The following NDST4 variants were observed in gnomAD, a reference collection of about 807,000 sequenced individuals.
NDST4 encodes the protein N-deacetylase and N-sulfotransferase 4, also known as N-heparan sulfate sulfotransferase 4.
In NDST4, 63 loss-of-function variants were observed where a neutral mutation model predicts 100.8. That is an observed-to-expected ratio of 0.62 (90% CI 0.51 to 0.77). The LOEUF (loss-of-function observed/expected upper bound fraction) is 0.77. NDST4 is among the 30% of genes least tolerant of loss of function. NDST4 has a pLI of 0.00. For missense variants in NDST4, 943 were observed against 1,018.4 expected (o/e 0.93, Z 1.01); for synonymous variants, 377 against 361.8 (o/e 1.04, Z -0.48).
chr4:115,055,935 T>G (rs1340739760), intron 2 of NDST4, among the ~76,000 whole-genome samples: 1 of 152,156 alleles, frequency 6.6e-6, no homozygotes, highest in Non-Finnish European at 1.5e-5. Flanking sequence ...TTCATCAGAT[T>G]AGATTTAAAT....
rs1729366871 is a variant in NDST4, at chr4:115,084,408, T to C, written c.-246-7126A>G. Among the ~76,000 whole-genome samples, 7 of 152,328 alleles carry C rather than the reference T, an allele frequency of 4.6e-5. 1 individual carries two copies. The South Asian group carries it at 1.4e-3, about 32-fold the overall frequency. On this transcript the variant is annotated intron_variant, in intron 1 of 13. Transcript: ENST00000264363. ...ATTCTGGGGAGAAATTCAAGCCTGCTGCAGAAATTTGCATAAGTAACAAGG... is the reference window on the plus strand; with the variant it reads ...ATTCTGGGGAGAAATTCAAGCCTGCCGCAGAAATTTGCATAAGTAACAAGG...
chr4:114,945,921 T>G (rs186860316), intron 4 of NDST4, among the ~76,000 whole-genome samples: 1 of 152,284 alleles, frequency 6.6e-6, no homozygotes, highest in Admixed American at 6.5e-5. Flanking sequence ...GCCTAGCAAA[T>G]GGTGACAAAT....
chr4:114,930,520 T>G (rs1725489603), intron 6 of NDST4, among the ~76,000 whole-genome samples: 1 of 152,162 alleles, frequency 6.6e-6, no homozygotes, highest in African/African-American at 2.4e-5. Context: ...AGTTTTTATT[T>G]ATTTTTTTAG....
At chr4:114,872,115 T>C (rs1724161576) in intron 6 of NDST4, among the ~76,000 whole-genome samples, 1 of 152,002 alleles carries the variant, frequency 6.6e-6, no homozygotes, top group Admixed American at 6.6e-5. Context: ...CAATGTTAAT[T>C]TTATTGACAC....
intron 1 of NDST4, among the ~76,000 whole-genome samples, chr4:115,094,746 G>A (rs544030423): frequency 1.3e-5 from 2 of 152,204 alleles, no homozygotes; most frequent in East Asian, 3.9e-4. Flanking sequence ...TTTATAGAAG[G>A]GAGAAATGTG....
intron 8 of NDST4, among the ~76,000 whole-genome samples, chr4:114,849,188 A>G (rs919702348): frequency 2.0e-5 from 3 of 152,206 alleles, no homozygotes; most frequent in African/African-American, 4.8e-5. Context: ...AGAGGTCTCA[A>G]ATGTAATCTC....
At chr4:114,894,495 G>T (rs1724670229) in intron 6 of NDST4, among the ~76,000 whole-genome samples, 1 of 152,042 alleles carries the variant, frequency 6.6e-6, no homozygotes, top group South Asian at 2.1e-4. Flanking sequence ...TATTCTCTTT[G>T]TAGCAATTGT....
chr4:115,106,485 C>G (rs1420971964), intron 1 of NDST4, among the ~76,000 whole-genome samples: 1 of 152,008 alleles, frequency 6.6e-6, no homozygotes. Context: ...TGTATAAAAT[C>G]GCATAGTATT....
intron 2 of NDST4, among the ~76,000 whole-genome samples, chr4:115,066,309 C>T (rs1052914697): frequency 6.6e-6 from 1 of 152,010 alleles, no homozygotes; most frequent in African/African-American, 2.4e-5. Context: ...TGGAGAATAA[C>T]CCTATTTGCT....
intron 2 of NDST4, among the ~76,000 whole-genome samples, chr4:115,063,621 G>A (rs1350796122): frequency 1.3e-5 from 2 of 151,774 alleles, no homozygotes; most frequent in Non-Finnish European, 2.9e-5. Context: ...CTTTAGCTGA[G>A]GAGGCTCATT....
intron 2 of NDST4, among the ~76,000 whole-genome samples, chr4:114,986,830 A>ATATATATATATATATATATTTATTTATT (rs1553959396): frequency 2.2e-5 from 2 of 91,962 alleles, no homozygotes; most frequent in African/African-American, 8.6e-5. Flanking sequence ...ATATATATAT[A>ATATATATATATATATATATTTATTTATT]TATTTTAATA....
chr4:114,938,610 C>T (rs763799097), intron 4 of NDST4, among the ~76,000 whole-genome samples: 2 of 152,198 alleles, frequency 1.3e-5, no homozygotes, highest in Admixed American at 6.5e-5. Flanking sequence ...GTTGACTTGA[C>T]AATTGCCATT....
chr4:114,990,888 GTTTA>G (rs1452975990), intron 2 of NDST4, among the ~76,000 whole-genome samples: 1 of 151,992 alleles, frequency 6.6e-6, no homozygotes, highest in Non-Finnish European at 1.5e-5. Flanking sequence ...GCCATATTAG[GTTTA>G]TTTATGTGCT....
At chr4:114,916,536 CTGTG>C (rs537961796) in intron 6 of NDST4, among the ~76,000 whole-genome samples, 12,092 of 129,014 alleles carry the variant, frequency 0.094, 401 homozygotes, top group African/African-American at 0.12. Context: ...CTGGTAGGCT[CTGTG>C]TGTGTGTGTG....
intron 1 of NDST4, among the ~76,000 whole-genome samples, chr4:115,095,686 T>TA (rs1391462755): frequency 2.0e-5 from 3 of 152,212 alleles, no homozygotes; most frequent in East Asian, 1.9e-4. Flanking sequence ...CTCATGCTTT[T>TA]AAAAAAGTAC....
intron 5 of NDST4, among the ~76,000 whole-genome samples, chr4:114,935,972 G>C (rs546274313): frequency 2.6e-5 from 4 of 151,364 alleles, no homozygotes; most frequent in South Asian, 4.2e-4. Context: ...ATGGACAAAT[G>C]CATCTAATTG....
intron 2 of NDST4, among the ~76,000 whole-genome samples, chr4:115,049,547 T>G (rs565716294): frequency 6.6e-6 from 1 of 152,266 alleles, no homozygotes; most frequent in East Asian, 1.9e-4. Context: ...TCACTTTAAA[T>G]TGAACTAATA....
At chr4:114,828,660 A>G (rs1723132002) in intron 13 of NDST4, among the ~76,000 whole-genome samples, 1 of 152,148 alleles carries the variant, frequency 6.6e-6, no homozygotes, top group Non-Finnish European at 1.5e-5. Context: ...TTCTTTCTGG[A>G]TATCACCTAT....
At chr4:114,854,545 C>T (rs940078241) in intron 7 of NDST4, among the ~76,000 whole-genome samples, 18 of 152,148 alleles carry the variant, frequency 1.2e-4, no homozygotes, top group South Asian at 8.3e-4. Flanking sequence ...CTCGGCTCAC[C>T]GCAACCTTCG....
Sources: allele counts gnomAD v4.1 joint callset (sites outside exome capture counted in the v4.1 genomes callset), GRCh38; gene constraint gnomAD v4.1.1; transcripts MANE v1.5; gene names NCBI Gene and HGNC (gene_info 2026-07-23, HGNC 2026-07-21).